PTPRK: variants seen among roughly 807,000 people sequenced by gnomAD.
The protein encoded by PTPRK is receptor-type tyrosine-protein phosphatase kappa.
A neutral mutation model predicts 178.0 loss-of-function variants in PTPRK; 75 were observed. The observed-to-expected ratio is 0.42, with a 90% CI of 0.35 to 0.51. PTPRK has a LOEUF of 0.51. PTPRK is among the 20% of genes least tolerant of loss of function. The pLI, the probability that PTPRK is intolerant of heterozygous loss-of-function variation, is 0.02. For synonymous variants in PTPRK, 637 were observed against 620.6 expected (o/e 1.03, Z -0.39); for missense variants, 1,441 against 1,797.8 (o/e 0.80, Z 3.59).
At chr6:128,486,149 TTTG>T (rs1274760381) in intron 1 of PTPRK, among the ~76,000 whole-genome samples, 1 of 152,146 alleles carries the variant, frequency 6.6e-6, no homozygotes, top group African/African-American at 2.4e-5. Flanking sequence ...TTCTGTTATC[TTTG>T]TTTTTTTAAA....
intron 7 of PTPRK, among the ~76,000 whole-genome samples, chr6:128,172,463 G>A (rs1800410641): frequency 6.6e-6 from 1 of 151,776 alleles, no homozygotes; most frequent in Non-Finnish European, 1.5e-5. Flanking sequence ...TTGTCCTACA[G>A]AGGCTTCTGA....
At chr6:128,020,121 T>C (rs370770465) in intron 13 of PTPRK, among the ~76,000 whole-genome samples, 1 of 152,178 alleles carries the variant, frequency 6.6e-6, no homozygotes, top group East Asian at 1.9e-4. Context: ...TGGAAAGTAA[T>C]GAGCTGGTTC....
intron 6 of PTPRK, among the ~76,000 whole-genome samples, chr6:128,203,845 T>C (rs1806416521): frequency 6.6e-6 from 1 of 152,232 alleles, no homozygotes; most frequent in Admixed American, 6.5e-5. Context: ...ATGGCCATAC[T>C]GCCTAAAGTA....
intron 13 of PTPRK, among the ~76,000 whole-genome samples, chr6:128,051,025 A>G (rs1778913609): frequency 6.6e-6 from 1 of 152,318 alleles, no homozygotes. Context: ...TCTGCACAGG[A>G]CTTCATTTAA....
At chr6:128,258,300 C>A (rs1817649921) in intron 3 of PTPRK, among the ~76,000 whole-genome samples, 1 of 152,112 alleles carries the variant, frequency 6.6e-6, no homozygotes, top group African/African-American at 2.4e-5. Flanking sequence ...AGTGTTACAA[C>A]ATCCATTTGA....
Position 128,082,625 on chromosome 6 carries a change from C to A in PTPRK, c.1589G>T (p.Ser530Ile). 6.2e-7 allele frequency: 1 copy of A among 1,605,516 alleles called. No homozygotes were observed. Among genetic ancestry groups the A allele is most frequent in the Non-Finnish European group, 8.5e-7 (1 of 1,173,468 alleles). Reference sequence around the variant, plus strand: ...AACTGCAGGATCAAATGATCTTATACTGCTATAGCTGATCTGTTTTAAGAA... The same window carrying A: ...AACTGCAGGATCAAATGATCTTATAATGCTATAGCTGATCTGTTTTAAGAA... ...IITQYEISYS[S>I]IRSFDPAVPV... The change falls in exon 10 of 30, where the codon AGT (serine) becomes ATT (isoleucine). Residue 530 changes from serine to isoleucine, a missense_variant. Ser to Ile is a moderately radical substitution (Grantham distance 142). This residue lies in a region of PTPRK where 945 missense variants were observed against 1,080.6 expected (regional missense o/e 0.87). Coordinates refer to ENST00000368226, the MANE Select transcript of PTPRK (RefSeq NM_002844.4).
intron 13 of PTPRK, among the ~76,000 whole-genome samples, chr6:128,011,322 C>G (rs1339933196): frequency 6.6e-6 from 1 of 151,094 alleles, no homozygotes; most frequent in African/African-American, 2.4e-5. Flanking sequence ...ATAATGATCC[C>G]TTAGTGATTT....
intron 24 of PTPRK, among the ~76,000 whole-genome samples, chr6:127,981,998 C>T (rs1775397611): frequency 6.6e-6 from 1 of 152,032 alleles, no homozygotes; most frequent in Admixed American, 6.6e-5. Context: ...CACCACCACA[C>T]CCGGCTATTT....
At chr6:128,240,774 C>A (rs1480430974) in intron 4 of PTPRK, among the ~76,000 whole-genome samples, 3 of 152,054 alleles carry the variant, frequency 2.0e-5, no homozygotes, top group Admixed American at 2.0e-4. Context: ...AAAATAAATA[C>A]CCATATTAGA....
At chr6:128,438,371 T>C (rs902859313) in intron 1 of PTPRK, among the ~76,000 whole-genome samples, 1 of 152,218 alleles carries the variant, frequency 6.6e-6, no homozygotes, top group Non-Finnish European at 1.5e-5. Context: ...CTACTGTAAG[T>C]TTCTTCTTTG....
intron 13 of PTPRK, among the ~76,000 whole-genome samples, chr6:128,034,597 G>C (rs945493352): frequency 1.3e-5 from 2 of 152,120 alleles, no homozygotes; most frequent in Non-Finnish European, 2.9e-5. Flanking sequence ...TAAACCTATA[G>C]TCCCTTTAGA....
intron 6 of PTPRK, among the ~76,000 whole-genome samples, chr6:128,215,518 C>T (rs997335582): frequency 3.3e-5 from 5 of 152,156 alleles, no homozygotes; most frequent in African/African-American, 1.2e-4. Context: ...AAGCTGAATA[C>T]ATTATCGTTA....
intron 1 of PTPRK, among the ~76,000 whole-genome samples, chr6:128,430,677 G>A (rs1844721479): frequency 6.6e-6 from 1 of 152,124 alleles, no homozygotes; most frequent in South Asian, 2.1e-4. Flanking sequence ...ACAAAAGGGT[G>A]ACTTTAAGGT....
intron 3 of PTPRK, among the ~76,000 whole-genome samples, chr6:128,274,519 C>T (rs1820414099): frequency 6.6e-6 from 1 of 152,048 alleles, no homozygotes; most frequent in Non-Finnish European, 1.5e-5. Flanking sequence ...TTTCCGGGAT[C>T]TACAATTTCA....
At chr6:127,971,314 A>C (rs140571268) in intron 29 of PTPRK, among the ~76,000 whole-genome samples, 189 of 152,312 alleles carry the variant, frequency 1.2e-3, no homozygotes, top group African/African-American at 4.1e-3. Flanking sequence ...GGTAAAATTC[A>C]GGCTGGAGAA....
At chr6:128,387,526 C>A (rs1184445180) in intron 2 of PTPRK, among the ~76,000 whole-genome samples, 1 of 152,166 alleles carries the variant, frequency 6.6e-6, no homozygotes, top group Non-Finnish European at 1.5e-5. Context: ...ATAAATGTTT[C>A]CCTTATTCCT....
intron 2 of PTPRK, among the ~76,000 whole-genome samples, chr6:128,391,570 C>A (rs1031690482): frequency 6.6e-6 from 1 of 152,124 alleles, no homozygotes; most frequent in Non-Finnish European, 1.5e-5. Flanking sequence ...TCTGTTAATT[C>A]AGCTGTGTGA....
chr6:128,121,034 T>A (rs1583098912), intron 7 of PTPRK, among the ~76,000 whole-genome samples: 1 of 151,262 alleles, frequency 6.6e-6, no homozygotes, highest in Non-Finnish European at 1.5e-5. Context: ...ATTTATTGAG[T>A]AATAACTATT....
rs987500591 is a variant in PTPRK, at chr6:128,322,428, C to T, written c.224-118G>A. On this transcript the variant is annotated intron_variant, in intron 2 of 29. Transcript: ENST00000368226. ...AATTTAAGTTAAAAAGACTGTTTTC[C>T]AGAACACAGCCACAGAAATACATCA... 1.5e-5 allele frequency: 14 copies of T among 947,690 alleles called. No individual in the cohort carries two copies. In the African/African-American group the frequency reaches 1.5e-4, roughly 10 times the overall value. 58.7% of individuals were successfully genotyped at this position (947,690 alleles called of 1,614,324 possible).
Sources: allele counts gnomAD v4.1 joint callset (sites outside exome capture counted in the v4.1 genomes callset), GRCh38; gene constraint gnomAD v4.1.1; regional missense constraint gnomAD v4.1.1; transcripts MANE v1.5; gene names NCBI Gene and HGNC (gene_info 2026-07-23, HGNC 2026-07-21).